The following OSBPL10 variants were observed in gnomAD, a reference collection of about 807,000 sequenced individuals.
The protein encoded by OSBPL10 is oxysterol binding protein like 10.
In OSBPL10, 49 loss-of-function variants were observed where a neutral mutation model predicts 81.7. The observed-to-expected ratio is 0.60, with a 90% CI of 0.48 to 0.76. The LOEUF is 0.76. Among genes scored for constraint, OSBPL10 ranks in the 30% least tolerant of loss-of-function variants. OSBPL10 has a pLI of 0.00. For missense variants in OSBPL10, 923 were observed against 987.8 expected (o/e 0.93, Z 0.88); for synonymous variants, 419 against 383.6 (o/e 1.09, Z -1.08).
chr3:31,704,824 C>T (rs1357258129), intron 6 of OSBPL10: 1 of 152,300 alleles, frequency 6.6e-6, no homozygotes, highest in Non-Finnish European at 1.5e-5. Context: ...CAGCTGTCTG[C>T]CTTACTCGAA....
intron 4 of OSBPL10, among the ~76,000 whole-genome samples, chr3:31,783,189 A>G (rs1292344659): frequency 6.7e-6 from 1 of 148,832 alleles, no homozygotes; most frequent in Non-Finnish European, 1.5e-5. Context: ...AAAAGGAATG[A>G]AATAATGGCA....
chr3:32,013,596 G>C (rs1457907750), intron 2 of OSBPL10, among the ~76,000 whole-genome samples: 1 of 152,198 alleles, frequency 6.6e-6, no homozygotes, highest in African/African-American at 2.4e-5. Flanking sequence ...ACTAAGATCA[G>C]AGCAGAACTG....
At chr3:31,784,736 C>G (rs986258557) in intron 4 of OSBPL10, among the ~76,000 whole-genome samples, 3 of 151,966 alleles carry the variant, frequency 2.0e-5, no homozygotes, top group African/African-American at 7.3e-5. Context: ...GCATGCACCA[C>G]CATGCACAGC....
intron 1 of OSBPL10, among the ~76,000 whole-genome samples, chr3:31,909,600 A>T (rs1696515012): frequency 6.6e-6 from 1 of 152,130 alleles, no homozygotes; most frequent in Non-Finnish European, 1.5e-5. Flanking sequence ...GCAAATGAAC[A>T]TTTCCACAGT....
chr3:31,800,381 G>GTAC (rs1699349271), intron 4 of OSBPL10, among the ~76,000 whole-genome samples: 1 of 152,194 alleles, frequency 6.6e-6, no homozygotes, highest in Admixed American at 6.5e-5. Flanking sequence ...CAGAGAAAAA[G>GTAC]TACTAATGAT....
chr3:31,715,217 T>C (rs1178859769), intron 6 of OSBPL10, among the ~76,000 whole-genome samples: 1 of 152,196 alleles, frequency 6.6e-6, no homozygotes, highest in African/African-American at 2.4e-5. Context: ...TTAAACACAA[T>C]TTAAAATTCT....
chr3:31,776,836 G>A (rs769679834), intron 4 of OSBPL10, among the ~76,000 whole-genome samples: 1 of 152,100 alleles, frequency 6.6e-6, no homozygotes, highest in Non-Finnish European at 1.5e-5. Context: ...TTTTCTTGGG[G>A]TGATGAAAAT....
chr3:31,725,881 C>T (rs1324665904), intron 6 of OSBPL10, among the ~76,000 whole-genome samples: 1 of 152,184 alleles, frequency 6.6e-6, no homozygotes, highest in African/African-American at 2.4e-5. Context: ...CTGCTACATG[C>T]ATCGTACTTT....
At chr3:31,934,201 G>T (rs1013985553) in intron 1 of OSBPL10, among the ~76,000 whole-genome samples, 1 of 146,646 alleles carries the variant, frequency 6.8e-6, no homozygotes, top group Non-Finnish European at 1.5e-5. Flanking sequence ...CAGGCATGGT[G>T]ATGCCTGTCT....
chr3:31,694,189 G>A (rs1050356244), intron 7 of OSBPL10, among the ~76,000 whole-genome samples: 6 of 151,992 alleles, frequency 3.9e-5, no homozygotes, highest in Non-Finnish European at 8.8e-5. Flanking sequence ...TGGCCAACAT[G>A]GTGAAACCTC....
At chr3:31,839,790 G>A (rs1211964437) in intron 3 of OSBPL10, among the ~76,000 whole-genome samples, 2 of 151,090 alleles carry the variant, frequency 1.3e-5, no homozygotes, top group Non-Finnish European at 2.9e-5. Flanking sequence ...AGGGATGGGA[G>A]AGACTAGTTC....
intron 1 of OSBPL10, among the ~76,000 whole-genome samples, chr3:31,966,325 G>A (rs1698400951): frequency 6.6e-6 from 1 of 151,256 alleles, no homozygotes; most frequent in Non-Finnish European, 1.5e-5. Context: ...TGGTTAGAGG[G>A]AAATTTATAG....
intron 11 of OSBPL10, chr3:31,663,081 CCTA>C (rs1211896279): frequency 5.1e-6 from 5 of 985,430 alleles, no homozygotes; most frequent in South Asian, 9.4e-5. Flanking sequence ...ACCCCAGTTA[CCTA>C]CTATGTTGCC....
At position 31,896,583 on chromosome 3, in the gene OSBPL10, A is replaced by T. The variant is rs1696064835; in HGVS notation, c.282-16753T>A. On this transcript the variant is annotated intron_variant, in intron 1 of 11. Transcript: ENST00000396556. ...CCCGATTGCAGGGACAGTCCAGGAC[A>T]ATCGGACATTAAGGGCCACAGAGCA... Among the ~76,000 whole-genome samples the T allele has an allele frequency of 2.0e-5, 3 of 152,246 alleles. No individual in the cohort carries two copies. In the South Asian group the frequency reaches 6.2e-4, roughly 31 times the overall value.
intron 1 of OSBPL10, among the ~76,000 whole-genome samples, chr3:32,057,481 G>A (rs576420768): frequency 7.2e-5 from 11 of 152,282 alleles, no homozygotes; most frequent in African/African-American, 1.9e-4. Context: ...ACAGTTCAGC[G>A]TGGTTGGAGA....
chr3:31,996,452 G>A (rs944309981), intron 2 of OSBPL10, among the ~76,000 whole-genome samples: 3 of 152,088 alleles, frequency 2.0e-5, no homozygotes, highest in African/African-American at 4.8e-5. Flanking sequence ...ATCTAAATAT[G>A]AGCCAACCTA....
intron 1 of OSBPL10, among the ~76,000 whole-genome samples, chr3:31,927,402 T>C (rs1697106094): frequency 6.6e-6 from 1 of 152,244 alleles, no homozygotes; most frequent in Non-Finnish European, 1.5e-5. Context: ...TCTTTTAAGC[T>C]AGCTTCCCTA....
chr3:31,988,835 C>A (rs1698980725), intron 2 of OSBPL10: 1 of 556,018 alleles, frequency 1.8e-6, no homozygotes, highest in East Asian at 3.0e-5. Context: ...ACCAGTCAAG[C>A]CTTGAGATGA....
At chr3:31,762,629 C>T (rs1193361764) in intron 4 of OSBPL10, among the ~76,000 whole-genome samples, 1 of 17,238 alleles carries the variant, frequency 5.8e-5, no homozygotes, top group Non-Finnish European at 8.9e-5. Flanking sequence ...CCATGCCCAG[C>T]ATTTTTTTTT....
Sources: allele counts gnomAD v4.1 joint callset (sites outside exome capture counted in the v4.1 genomes callset), GRCh38; gene constraint gnomAD v4.1.1; transcripts MANE v1.5; gene names NCBI Gene and HGNC (gene_info 2026-07-23, HGNC 2026-07-21).